The following DGLUCY variants were observed in gnomAD, a reference collection of about 807,000 sequenced individuals.
DGLUCY encodes the protein D-glutamate cyclase, mitochondrial.
DGLUCY carries 58 observed loss-of-function variants against 58.5 expected under a neutral mutation model. That is an observed-to-expected ratio of 0.99 (90% CI 0.80 to 1.23). The LOEUF (loss-of-function observed/expected upper bound fraction) is 1.23. DGLUCY is among the 50% of genes most tolerant of loss of function. The pLI, the probability that DGLUCY is intolerant of heterozygous loss-of-function variation, is 0.00. For synonymous variants in DGLUCY, 325 were observed against 314.1 expected, an observed-to-expected ratio of 1.03 and a Z score of -0.37; for missense variants, 779 against 784.7, an observed-to-expected ratio of 0.99 and a Z score of 0.09.
intron 13 of DGLUCY, among the ~76,000 whole-genome samples, chr14:91,217,014 G>T (rs779851220): frequency 6.6e-6 from 1 of 152,124 alleles, no homozygotes; most frequent in Non-Finnish European, 1.5e-5. Context: ...AGCAAGCTCC[G>T]CCCCCAACAC....
intron 12 of DGLUCY, among the ~76,000 whole-genome samples, chr14:91,205,842 CTTTTTTTTTTTTT>C (rs36096639): frequency 1.4e-5 from 1 of 70,698 alleles, no homozygotes; most frequent in East Asian, 4.6e-4. Flanking sequence ...TCTTCTTCTT[CTTTTTTTTTTTTT>C]TTTTTTTTTT....
chr14:91,137,409 C>T (rs1226467992), intron 1 of DGLUCY, among the ~76,000 whole-genome samples: 3 of 150,300 alleles, frequency 2.0e-5, no homozygotes, highest in South Asian at 2.1e-4. Flanking sequence ...TTTTTTGAGA[C>T]GGAGTCTTTC....
At chr14:91,222,973 T>C (rs530155578) in intron 13 of DGLUCY, among the ~76,000 whole-genome samples, 1 of 152,306 alleles carries the variant, frequency 6.6e-6, no homozygotes, top group African/African-American at 2.4e-5. Flanking sequence ...TGGTTTCTCT[T>C]TTTCTTATAA....
chr14:91,221,136 A>G (rs1353494843), intron 13 of DGLUCY, among the ~76,000 whole-genome samples: 1 of 152,200 alleles, frequency 6.6e-6, no homozygotes, highest in Non-Finnish European at 1.5e-5. Flanking sequence ...CAGGGCAGGT[A>G]CTGAGCACCC....
chr14:91,167,360 G>A lies in DGLUCY; in HGVS notation c.239G>A (p.Gly80Asp). The A allele has an allele frequency of 6.2e-7, 1 of 1,614,108 alleles. No homozygotes were observed. The highest frequency in any genetic ancestry group is 8.5e-7 in the Non-Finnish European group (1 of 1,180,022). The change falls in exon 4 of 14, where the codon GGT becomes GAT. Residue 80 changes from glycine to aspartate, a missense_variant. Physicochemically the swap from Gly to Asp is moderately conservative, Grantham distance 94. Transcript: ENST00000256324. The stretch of plus-strand genomic sequence containing the variant: ...GAAAAGTGGATGCTGCCCCCTCAAG[G>A]TGCTATCTCAGAGACCAGGTAAAAA... ...EPEKWMLPPQ[G>D]AISETRMGHP...
chr14:91,075,382 A>T (rs1406398549), intron 1 of DGLUCY, among the ~76,000 whole-genome samples: 1 of 152,032 alleles, frequency 6.6e-6, no homozygotes, highest in Non-Finnish European at 1.5e-5. Context: ...GCCTCAAGTG[A>T]TCTCCCCACC....
At chr14:91,205,525 T>C (rs10146040) in intron 12 of DGLUCY, among the ~76,000 whole-genome samples, 55,270 of 151,914 alleles carry the variant, frequency 0.36, 10,939 homozygotes, top group African/African-American at 0.52. Context: ...GAACCAGTGC[T>C]AGGGTGGGAA....
At chr14:91,190,716 G>A (rs895584304) in intron 9 of DGLUCY, among the ~76,000 whole-genome samples, 19 of 152,124 alleles carry the variant, frequency 1.2e-4, no homozygotes, top group Admixed American at 1.1e-3. Context: ...ATGAGGAAAA[G>A]AGAAGTGGGA....
intron 12 of DGLUCY, among the ~76,000 whole-genome samples, chr14:91,214,262 T>A (rs1029561606): frequency 6.6e-6 from 1 of 152,202 alleles, no homozygotes; most frequent in African/African-American, 2.4e-5. Context: ...CTGAGCAGAA[T>A]TGACCTCTCT....
chr14:91,205,842 CT>C lies in DGLUCY; in HGVS notation c.1564+1040del, dbSNP rs36096639. The stretch of plus-strand genomic sequence containing the variant: ...TCCTCCTCCTCCCTTTCTTCTTCTT[CT>C]TTTTTTTTTTTTTTTTTTTTTTGAG... On this transcript the variant is annotated intron_variant, in intron 12 of 13. Coordinates refer to ENST00000256324, the MANE Select transcript of DGLUCY (RefSeq NM_001102368.3). 5.2e-3 allele frequency among the ~76,000 whole-genome samples: 368 copies of C among 70,724 alleles called. 2 individuals carry two copies. The highest frequency in any genetic ancestry group is 0.026 in the Middle Eastern group (2 of 76). 46.4% of individuals were successfully genotyped at this position (70,724 alleles called of 152,430 possible).
intron 1 of DGLUCY, among the ~76,000 whole-genome samples, chr14:91,096,095 G>A (rs1333328874): frequency 6.6e-6 from 1 of 152,148 alleles, no homozygotes; most frequent in Non-Finnish European, 1.5e-5. Flanking sequence ...ATAGGTGGGG[G>A]TCTTTGTCAT....
At chr14:91,142,940 G>GA (rs1256071083) in intron 1 of DGLUCY, among the ~76,000 whole-genome samples, 1 of 140,558 alleles carries the variant, frequency 7.1e-6, no homozygotes, top group Non-Finnish European at 1.5e-5. Flanking sequence ...TGATGCAGGA[G>GA]AATCACTTGA....
chr14:91,139,546 G>A (rs746344409), intron 1 of DGLUCY, among the ~76,000 whole-genome samples: 33 of 152,178 alleles, frequency 2.2e-4, no homozygotes, highest in Non-Finnish European at 3.1e-4. Flanking sequence ...TGAGCTGGAT[G>A]TGGTGGCTTG....
intron 1 of DGLUCY, among the ~76,000 whole-genome samples, chr14:91,151,600 C>T (rs1218878062): frequency 1.3e-5 from 2 of 151,248 alleles, no homozygotes; most frequent in African/African-American, 2.4e-5. Flanking sequence ...AAGAATGGTA[C>T]TAAAGAAAAT....
chr14:91,224,872 G>A lies in DGLUCY; in HGVS notation c.*39G>A. 1 of 1,551,068 alleles carries A rather than the reference G, an allele frequency of 6.4e-7. No homozygotes were observed. The highest frequency in any genetic ancestry group is 8.8e-7 in the Non-Finnish European group (1 of 1,138,654). Reference sequence around the variant, plus strand: ...GTGTGAGCAGAGTCCCTACCAACGGGCAGGTCTGCATCCGGGGAGAATGCA... The same window carrying A: ...GTGTGAGCAGAGTCCCTACCAACGGACAGGTCTGCATCCGGGGAGAATGCA... On this transcript the variant is annotated 3_prime_UTR_variant, in exon 14 of 14. Transcript: ENST00000256324.
intron 1 of DGLUCY, among the ~76,000 whole-genome samples, chr14:91,129,602 T>C (rs1307558859): frequency 6.6e-6 from 1 of 151,256 alleles, no homozygotes; most frequent in Non-Finnish European, 1.5e-5. Flanking sequence ...AAAAAAAGAA[T>C]GTACTATATT....
chr14:91,190,429 G>GA (rs1341465461), intron 9 of DGLUCY, among the ~76,000 whole-genome samples: 1 of 152,152 alleles, frequency 6.6e-6, no homozygotes, highest in Non-Finnish European at 1.5e-5. Flanking sequence ...ATGCCATGGG[G>GA]AAAATGGACC....
At chr14:91,197,569 C>T (rs2050295954) in intron 10 of DGLUCY, among the ~76,000 whole-genome samples, 1 of 152,258 alleles carries the variant, frequency 6.6e-6, no homozygotes, top group Non-Finnish European at 1.5e-5. Context: ...AACCCAGCCT[C>T]TGGCAACCAC....
Position 91,173,418 on chromosome 14 carries a change from C to G in DGLUCY, c.586C>G (p.Pro196Ala). 6.2e-7 allele frequency: 1 copy of G among 1,606,138 alleles called. No homozygotes were observed. The highest frequency in any genetic ancestry group is 2.2e-5 in the East Asian group (1 of 44,840). The part of the protein sequence containing the change: ...CCSLGGEQGQ[P>A]VHMGDPELLG... Reference sequence around the variant, plus strand: ...CTCCCTCGGAGGTGAGCAGGGGCAACCTGTTCACATGGGCGACCCAGGTCA... The same window carrying G: ...CTCCCTCGGAGGTGAGCAGGGGCAAGCTGTTCACATGGGCGACCCAGGTCA... The change falls in exon 6 of 14, where the codon CCT becomes GCT. Residue 196 changes from proline (P) to alanine (A), a missense_variant. Physicochemically the swap from Pro to Ala is conservative, Grantham distance 27. Transcript: ENST00000256324.
Sources: gnomAD v4.1 joint callset for allele counts (sites outside exome capture counted in the v4.1 genomes callset) on GRCh38, gnomAD v4.1.1 for gene constraint, MANE v1.5 for transcripts, NCBI Gene and HGNC (gene_info 2026-07-23, HGNC 2026-07-21) for gene names.